Variants in IMMP2L observed in about 807,000 individuals in gnomAD.
The protein encoded by IMMP2L is inner mitochondrial membrane peptidase subunit 2.
In IMMP2L, 18 loss-of-function variants were observed where a neutral mutation model predicts 19.3. The ratio of observed to expected loss-of-function variants is 0.93; its 90% CI spans 0.64 to 1.38. IMMP2L has a LOEUF of 1.38. IMMP2L is among the 40% of genes most tolerant of loss of function. IMMP2L has a pLI of 0.00. For synonymous variants in IMMP2L, 76 were observed against 73.0 expected, an observed-to-expected ratio of 1.04 and a Z score of -0.21; for missense variants, 233 against 218.2, an observed-to-expected ratio of 1.07 and a Z score of -0.43.
chr7:111,559,056 T>G (rs1338501442), intron 1 of IMMP2L, among the ~76,000 whole-genome samples: 1 of 152,128 alleles, frequency 6.6e-6, no homozygotes, highest in Non-Finnish European at 1.5e-5. Flanking sequence ...TCATTTTCGG[T>G]GGGCTGTCAT....
At chr7:110,674,380 A>C (rs1792141426) in intron 5 of IMMP2L, among the ~76,000 whole-genome samples, 1 of 152,206 alleles carries the variant, frequency 6.6e-6, no homozygotes, top group African/African-American at 2.4e-5. Context: ...GGACACAGCC[A>C]AACCATGTCA....
intron 3 of IMMP2L, among the ~76,000 whole-genome samples, chr7:111,463,396 C>A (rs1840319210): frequency 6.6e-6 from 1 of 152,128 alleles, no homozygotes; most frequent in East Asian, 1.9e-4. Flanking sequence ...CCTTTCTGCT[C>A]CACATCCCAG....
intron 1 of IMMP2L, among the ~76,000 whole-genome samples, chr7:111,521,670 C>T (rs1344827749): frequency 6.6e-6 from 1 of 152,114 alleles, no homozygotes; most frequent in African/African-American, 2.4e-5. Flanking sequence ...CTCAAGTCCA[C>T]TTGCTAACTT....
chr7:110,931,441 AT>A (rs1196210746), intron 4 of IMMP2L, among the ~76,000 whole-genome samples: 3 of 151,832 alleles, frequency 2.0e-5, no homozygotes, highest in Admixed American at 6.6e-5. Flanking sequence ...CTCCACAAAC[AT>A]TTTTTCACCA....
intron 5 of IMMP2L, among the ~76,000 whole-genome samples, chr7:110,754,925 C>T (rs1055893868): frequency 4.6e-5 from 7 of 151,646 alleles, no homozygotes; most frequent in Non-Finnish European, 8.8e-5. Context: ...TCAAATATTA[C>T]ATTTGAAATT....
chr7:111,438,518 G>C lies in IMMP2L; in HGVS notation c.239+48720C>G, dbSNP rs1326042745. 1.3e-5 allele frequency among the ~76,000 whole-genome samples: 2 copies of C among 151,738 alleles called. 1 individual carries two copies. The highest frequency in any genetic ancestry group is 4.9e-5 in the African/African-American group (2 of 41,112). ...GAACAAAAATTCACTTTTAATCAAA[G>C]TTAAATGCTAGAACTGTTTCCTGGG... On this transcript the variant is annotated intron_variant, in intron 3 of 5. Coordinates refer to ENST00000405709, the MANE Select transcript of IMMP2L (RefSeq NM_032549.4).
chr7:110,764,302 T>A (rs1244961571), intron 5 of IMMP2L, among the ~76,000 whole-genome samples: 4 of 152,114 alleles, frequency 2.6e-5, no homozygotes, highest in African/African-American at 4.8e-5. Flanking sequence ...CAATATGTCA[T>A]AAATACATAA....
chr7:110,923,020 T>C (rs1292990271), intron 4 of IMMP2L, among the ~76,000 whole-genome samples: 1 of 152,172 alleles, frequency 6.6e-6, no homozygotes, highest in Non-Finnish European at 1.5e-5. Context: ...AACAAGCCTA[T>C]GGCAGTTGCT....
At chr7:111,522,926 C>CATATATATATATATATGT (rs148789480) in intron 1 of IMMP2L, among the ~76,000 whole-genome samples, 2 of 134,868 alleles carry the variant, frequency 1.5e-5, no homozygotes, top group African/African-American at 6.3e-5. Flanking sequence ...ATGTGAGATA[C>CATATATATATATATATGT]ATATATATAT....
chr7:111,189,113 G>C (rs999357162), intron 3 of IMMP2L, among the ~76,000 whole-genome samples: 10 of 152,102 alleles, frequency 6.6e-5, no homozygotes, highest in African/African-American at 1.4e-4. Context: ...GCCAAACAGT[G>C]CCACTCAGAA....
At chr7:110,706,353 C>A (rs1346408777) in intron 5 of IMMP2L, among the ~76,000 whole-genome samples, 2 of 152,158 alleles carry the variant, frequency 1.3e-5, no homozygotes, top group East Asian at 3.9e-4. Flanking sequence ...ATCCTTCCAC[C>A]TTGGTTTCCC....
At chr7:111,111,696 G>A (rs1456753190) in intron 3 of IMMP2L, among the ~76,000 whole-genome samples, 1 of 151,800 alleles carries the variant, frequency 6.6e-6, no homozygotes. Context: ...ATGAATTCAA[G>A]GGGGTTGTAG....
intron 5 of IMMP2L, among the ~76,000 whole-genome samples, chr7:110,779,363 T>C (rs1163413984): frequency 1.3e-5 from 2 of 151,970 alleles, no homozygotes; most frequent in Admixed American, 6.6e-5. Context: ...CTGAAAAATA[T>C]AGTAAGTTAT....
At chr7:111,065,923 TGTATGC>T in intron 3 of IMMP2L, among the ~76,000 whole-genome samples, 1 of 145,206 alleles carries the variant, frequency 6.9e-6, no homozygotes, top group South Asian at 2.3e-4. Context: ...TGCGCGCGCG[TGTATGC>T]GCGCGCACGC....
At chr7:111,439,153 C>G (rs1837475485) in intron 3 of IMMP2L, among the ~76,000 whole-genome samples, 1 of 151,862 alleles carries the variant, frequency 6.6e-6, no homozygotes, top group Non-Finnish European at 1.5e-5. Flanking sequence ...AAATGCTTCT[C>G]CCTGAAGTTT....
intron 3 of IMMP2L, among the ~76,000 whole-genome samples, chr7:111,347,171 G>C (rs1224262552): frequency 1.3e-5 from 2 of 152,050 alleles, no homozygotes; most frequent in Non-Finnish European, 2.9e-5. Flanking sequence ...ATTTTGTTCT[G>C]AATGTGATGG....
intron 3 of IMMP2L, among the ~76,000 whole-genome samples, chr7:111,484,461 G>T (rs900892778): frequency 6.6e-6 from 1 of 152,074 alleles, no homozygotes; most frequent in Non-Finnish European, 1.5e-5. Flanking sequence ...ATTTATCAAT[G>T]AAGTATACTG....
chr7:111,415,488 C>G (rs1834878871), intron 3 of IMMP2L, among the ~76,000 whole-genome samples: 2 of 151,722 alleles, frequency 1.3e-5, no homozygotes, highest in Non-Finnish European at 2.9e-5. Context: ...TATTAAACAG[C>G]AATAGAAAAC....
chr7:111,005,283 T>G (rs1360557660), intron 3 of IMMP2L, among the ~76,000 whole-genome samples: 1 of 152,184 alleles, frequency 6.6e-6, no homozygotes, highest in Non-Finnish European at 1.5e-5. Flanking sequence ...CCTTATGCTA[T>G]CTTTCCTATA....
Sources: allele counts gnomAD v4.1 joint callset (sites outside exome capture counted in the v4.1 genomes callset), GRCh38; gene constraint gnomAD v4.1.1; transcripts MANE v1.5; gene names NCBI Gene and HGNC (gene_info 2026-07-23, HGNC 2026-07-21).